Variants in SCML2 observed in about 807,000 individuals in gnomAD.
The protein encoded by SCML2 is Scm polycomb group protein like 2, also known as sex comb on midleg-like protein 2.
SCML2 carries 6 observed loss-of-function variants against 48.4 expected under a neutral mutation model. The observed-to-expected ratio is 0.12, with a 90% confidence interval of 0.07 to 0.24. SCML2 has a LOEUF of 0.24. Ranked by LOEUF, SCML2 falls within the 10% of genes least tolerant of loss-of-function variation. The pLI, the probability that SCML2 is intolerant of heterozygous loss-of-function variation, is 1.00. For synonymous variants in SCML2, 181 were observed against 189.5 expected, an observed-to-expected ratio of 0.95 and a Z score of 0.37; for missense variants, 377 against 528.2, an observed-to-expected ratio of 0.71 and a Z score of 2.81.
Position 18,317,706 on chromosome X carries a change from C to T in SCML2, c.486+2626G>A, listed in dbSNP as rs754770885. On this transcript the variant is annotated intron_variant, in intron 6 of 14. Transcript: ENST00000251900. ...AAAATTAGCCGGGCGTGGTAGCAGG[C>T]GCCTGTAGTCCCAGCTACTCGGGAG... Among the ~76,000 whole-genome samples the T allele has an allele frequency of 2.8e-3, 303 of 108,775 alleles. 1 individual carries two copies. The highest frequency in any genetic ancestry group is 0.014 in the Middle Eastern group (3 of 207). The allele number at this position is 108,775 out of a possible 115,157, so 94.5% of individuals were successfully genotyped here. A position where few individuals can be genotyped will look rare whatever the true frequency, so the allele number is the denominator to read the frequency against.
At position 18,240,821 on chromosome X, in the gene SCML2, T is replaced by C. The variant is rs1290125687; in HGVS notation, c.*430A>G. 3 of 113,573 alleles carry C rather than the reference T, an allele frequency of 2.6e-5. No individual in the cohort carries two copies. Among genetic ancestry groups the C allele is most frequent in the African/African-American group, 9.7e-5 (3 of 31,006 alleles). The allele number at this position is 113,573 out of a possible 1,213,427, so 9.4% of individuals were successfully genotyped here. ...ATTCTCTAGTGAGGAAAAATTCTCA[T>C]GGATTTAATTATAGAAGTTGTCAAT... On this transcript the variant is annotated 3_prime_UTR_variant, in exon 15 of 15. Coordinates refer to ENST00000251900, the MANE Select transcript of SCML2 (RefSeq NM_006089.3).
At chrX:18,260,573 T>C (rs969522187) in intron 8 of SCML2, among the ~76,000 whole-genome samples, 5 of 110,510 alleles carry the variant, frequency 4.5e-5, no homozygotes, top group African/African-American at 1.7e-4. Context: ...AATTAGATTA[T>C]TCCATAAAAC....
chrX:18,326,536 G>A (rs1192492101), intron 3 of SCML2, among the ~76,000 whole-genome samples: 5 of 110,353 alleles, frequency 4.5e-5, no homozygotes, highest in African/African-American at 6.6e-5. Context: ...AAAATTAGCC[G>A]GATGTGGTGG....
chrX:18,251,141 A>G (rs746414439), intron 11 of SCML2, among the ~76,000 whole-genome samples: 1 of 107,800 alleles, frequency 9.3e-6, no homozygotes, highest in African/African-American at 3.4e-5. Context: ...ATGCCACCTC[A>G]TCTCTACTAA....
intron 7 of SCML2, among the ~76,000 whole-genome samples, chrX:18,299,316 A>G (rs979561943): frequency 4.5e-5 from 5 of 110,719 alleles, no homozygotes; most frequent in Non-Finnish European, 9.5e-5. Flanking sequence ...GATCGAGACC[A>G]TACTGGCTAA....
chrX:18,270,379 G>C (rs1019346416), intron 7 of SCML2, among the ~76,000 whole-genome samples: 17 of 110,922 alleles, frequency 1.5e-4, no homozygotes, highest in Non-Finnish European at 2.6e-4. Flanking sequence ...GCTTTTCAAA[G>C]TCAAGGACTC....
intron 7 of SCML2, among the ~76,000 whole-genome samples, chrX:18,276,839 T>C (rs1927658624): frequency 9.0e-6 from 1 of 110,755 alleles, no homozygotes; most frequent in African/African-American, 3.3e-5. Flanking sequence ...GAGAAAGAAA[T>C]GGGGAGCAAC....
At chrX:18,314,877 T>C (rs1417911614) in intron 6 of SCML2, among the ~76,000 whole-genome samples, 26 of 110,499 alleles carry the variant, frequency 2.4e-4, no homozygotes. Context: ...TCATTTGAGG[T>C]TGGGGGTTCG....
intron 3 of SCML2, among the ~76,000 whole-genome samples, chrX:18,328,903 T>C (rs1378108638): frequency 1.8e-5 from 2 of 111,840 alleles, no homozygotes; most frequent in Non-Finnish European, 3.8e-5. Context: ...CAGATGGCTA[T>C]CAACTTAAGT....
chrX:18,332,471 C>G (rs1929687465), intron 2 of SCML2, among the ~76,000 whole-genome samples: 1 of 112,233 alleles, frequency 8.9e-6, no homozygotes, highest in Non-Finnish European at 1.9e-5. Flanking sequence ...CTGAGTGACT[C>G]TTCAAGATGT....
At chrX:18,283,851 C>T (rs1927950871) in intron 7 of SCML2, among the ~76,000 whole-genome samples, 1 of 112,149 alleles carries the variant, frequency 8.9e-6, no homozygotes, top group Non-Finnish European at 1.9e-5. Flanking sequence ...ATTAAAACAG[C>T]CATACTGTGT....
At chrX:18,334,974 G>A (rs776491303) in intron 1 of SCML2, among the ~76,000 whole-genome samples, 96 of 108,633 alleles carry the variant, frequency 8.8e-4, no homozygotes, top group Non-Finnish European at 1.7e-3. Flanking sequence ...CACTTTGGGA[G>A]GCCAAGGCGG....
intron 2 of SCML2, among the ~76,000 whole-genome samples, chrX:18,332,383 T>C (rs1221217773): frequency 2.7e-5 from 3 of 112,303 alleles, no homozygotes; most frequent in African/African-American, 6.5e-5. Flanking sequence ...GATGTTCTAA[T>C]TGTCAAGTGA....
intron 1 of SCML2, among the ~76,000 whole-genome samples, chrX:18,352,172 GAT>G (rs1039417146): frequency 2.7e-5 from 3 of 111,880 alleles, no homozygotes; most frequent in African/African-American, 9.7e-5. Context: ...TGAGCTCAGA[GAT>G]TTCTGCAACA....
At chrX:18,338,871 G>A (rs989611034) in intron 1 of SCML2, among the ~76,000 whole-genome samples, 2 of 105,802 alleles carry the variant, frequency 1.9e-5, no homozygotes, top group Admixed American at 2.1e-4. Flanking sequence ...TCATGATCGT[G>A]CCACTGCACT....
intron 7 of SCML2, among the ~76,000 whole-genome samples, chrX:18,272,517 T>C (rs1349193402): frequency 8.9e-6 from 1 of 112,514 alleles, no homozygotes; most frequent in Non-Finnish European, 1.9e-5. Context: ...CTGTTACCAA[T>C]TGCTCTTTAC....
At chrX:18,348,527 CAA>C (rs751383021) in intron 1 of SCML2, among the ~76,000 whole-genome samples, 2 of 111,230 alleles carry the variant, frequency 1.8e-5, no homozygotes, top group African/African-American at 6.5e-5. Context: ...AATTTCAACA[CAA>C]AAAAAATCTC....
chrX:18,289,119 T>C (rs1347210704), intron 7 of SCML2, among the ~76,000 whole-genome samples: 6 of 111,676 alleles, frequency 5.4e-5, no homozygotes, highest in African/African-American at 2.0e-4. Flanking sequence ...ACTGCATCTA[T>C]AGACAAAGTT....
chrX:18,322,572 T>C (rs1412555567), intron 5 of SCML2, among the ~76,000 whole-genome samples: 1 of 112,144 alleles, frequency 8.9e-6, no homozygotes, highest in African/African-American at 3.2e-5. Flanking sequence ...AACCATCTTC[T>C]TGGAATAACA....
Sources: gnomAD v4.1 joint callset for allele counts (sites outside exome capture counted in the v4.1 genomes callset) on GRCh38, gnomAD v4.1.1 for gene constraint, MANE v1.5 for transcripts, NCBI Gene and HGNC (gene_info 2026-07-23, HGNC 2026-07-21) for gene names.